SGPP2: variants seen among roughly 807,000 people sequenced by gnomAD.
SGPP2 encodes the protein sphingosine 1-phosphate phosphohydrolase 2.
Under a neutral mutation model 33.9 loss-of-function variants are expected in SGPP2, and 30 were observed. The observed-to-expected ratio is 0.89, with a 90% CI of 0.66 to 1.20. The LOEUF is 1.20. SGPP2 is among the 50% of genes most tolerant of loss of function. SGPP2 has a pLI of 0.00. For missense variants in SGPP2, 458 were observed against 532.1 expected, an observed-to-expected ratio of 0.86 and a Z score of 1.37; for synonymous variants, 233 against 225.0, an observed-to-expected ratio of 1.04 and a Z score of -0.32.
intron 4 of SGPP2, among the ~76,000 whole-genome samples, chr2:222,528,978 T>G (rs1321265245): frequency 6.6e-6 from 1 of 152,228 alleles, no homozygotes; most frequent in Admixed American, 6.5e-5. Flanking sequence ...AGGAAAGATT[T>G]CTTTGTAGAA....
Position 222,477,637 on chromosome 2 carries a change from T to G in SGPP2, c.378+2911T>G, listed in dbSNP as rs1697967336. ...CTAAATCCCAAAACTTTAATAATTG[T>G]TGAGTGGGGCAGATGATGAGAAGTA... On this transcript the variant is annotated intron_variant, in intron 2 of 4. Coordinates refer to ENST00000321276, the MANE Select transcript of SGPP2 (RefSeq NM_152386.4). The surrounding 1 kb of genome is among the most constrained non-coding windows in gnomAD (Gnocchi z 6.0). 6.6e-6 allele frequency among the ~76,000 whole-genome samples: 1 copy of G among 151,884 alleles called. No individual in the cohort carries two copies. The highest frequency in any genetic ancestry group is 2.1e-4 in the South Asian group (1 of 4,822).
intron 4 of SGPP2, among the ~76,000 whole-genome samples, chr2:222,551,191 A>G (rs1029111874): frequency 2.0e-5 from 3 of 151,978 alleles, no homozygotes; most frequent in Non-Finnish European, 4.4e-5. Context: ...CTATCCCTCA[A>G]ATCCACCCGT....
intron 2 of SGPP2, among the ~76,000 whole-genome samples, chr2:222,496,358 A>G (rs1242986399): frequency 6.6e-6 from 1 of 152,232 alleles, no homozygotes; most frequent in Non-Finnish European, 1.5e-5. Context: ...TCATTTAATA[A>G]AGACTTACCT....
At chr2:222,545,316 C>G (rs1472803284) in intron 4 of SGPP2, among the ~76,000 whole-genome samples, 1 of 145,718 alleles carries the variant, frequency 6.9e-6, no homozygotes, top group Non-Finnish European at 1.5e-5. Context: ...GGGTTTCACT[C>G]TGTTGCCCAG....
intron 4 of SGPP2, among the ~76,000 whole-genome samples, chr2:222,557,961 C>G (rs3754672): frequency 6.6e-6 from 1 of 152,006 alleles, no homozygotes; most frequent in Admixed American, 6.6e-5. Flanking sequence ...TGCAGCCCAA[C>G]CCCCAGGTGG....
At chr2:222,523,851 A>G (rs769523021) in intron 3 of SGPP2, among the ~76,000 whole-genome samples, 9 of 152,194 alleles carry the variant, frequency 5.9e-5, no homozygotes, top group Non-Finnish European at 1.2e-4. Context: ...TAACTCATTA[A>G]TTCTGAACAC....
chr2:222,551,325 A>G (rs1689290777), intron 4 of SGPP2, among the ~76,000 whole-genome samples: 2 of 152,202 alleles, frequency 1.3e-5, no homozygotes, highest in African/African-American at 4.8e-5. Context: ...GCCAAGCACT[A>G]TGCAGCTCCA....
intron 4 of SGPP2, among the ~76,000 whole-genome samples, chr2:222,552,843 A>G (rs1242134390): frequency 1.3e-5 from 2 of 152,186 alleles, no homozygotes; most frequent in Non-Finnish European, 2.9e-5. Context: ...CTGAGCAACA[A>G]GAGCGAAACT....
intron 1 of SGPP2, among the ~76,000 whole-genome samples, chr2:222,462,792 TA>T (rs1697683932): frequency 6.6e-6 from 1 of 151,992 alleles, no homozygotes; most frequent in Non-Finnish European, 1.5e-5. Context: ...TGTTCTCAAG[TA>T]AAATGTGTTA....
intron 1 of SGPP2, among the ~76,000 whole-genome samples, chr2:222,429,413 T>G (rs1697119368): frequency 6.6e-6 from 1 of 152,246 alleles, no homozygotes; most frequent in African/African-American, 2.4e-5. Flanking sequence ...TATCCTTTAT[T>G]GGATGCTTAC....
intron 2 of SGPP2, chr2:222,498,498 ATCATTCAT>A (rs113882304): frequency 6.6e-6 from 1 of 152,080 alleles, no homozygotes; most frequent in Non-Finnish European, 1.5e-5. Flanking sequence ...CTCAACAGGC[ATCATTCAT>A]TCATTCATTC....
At position 222,562,482 on chromosome 2, in the gene SGPP2, C is replaced by A. The variant is rs1689565648; in HGVS notation, c.*3584C>A. The stretch of plus-strand genomic sequence containing the variant: ...TCATGCTTCCTGAGTGTAATCAAAG[C>A]ATGTGGTGTTTTGGGGCCATATGCA... On this transcript the variant is annotated 3_prime_UTR_variant, in exon 5 of 5. Transcript: ENST00000321276. Among the ~76,000 whole-genome samples the A allele has an allele frequency of 6.6e-6, 1 of 152,222 alleles. No individual in the cohort carries two copies. Among genetic ancestry groups the A allele is most frequent in the Admixed American group, 6.5e-5 (1 of 15,276 alleles).
chr2:222,461,075 C>G (rs571563920), intron 1 of SGPP2, among the ~76,000 whole-genome samples: 5 of 152,060 alleles, frequency 3.3e-5, no homozygotes, highest in Admixed American at 3.3e-4. Context: ...ATCTTTTTAC[C>G]GTCTTTCTCT....
At chr2:222,499,021 T>C (rs1698326501) in intron 2 of SGPP2, among the ~76,000 whole-genome samples, 1 of 152,216 alleles carries the variant, frequency 6.6e-6, no homozygotes, top group Admixed American at 6.5e-5. Flanking sequence ...TTTTAAAAAG[T>C]ACAAAGCCAT....
chr2:222,551,462 CAT>C (rs983295238), intron 4 of SGPP2, among the ~76,000 whole-genome samples: 155 of 152,142 alleles, frequency 1.0e-3, no homozygotes, highest in African/African-American at 3.7e-3. Context: ...AAAAAACTAA[CAT>C]AAAAAGTTGT....
intron 2 of SGPP2, among the ~76,000 whole-genome samples, chr2:222,489,410 T>G (rs1403166552): frequency 6.7e-6 from 1 of 150,286 alleles, no homozygotes; most frequent in East Asian, 1.9e-4. Context: ...TTAGAATGTA[T>G]TAAGAAAAAA....
At chr2:222,557,269 C>A (rs1048426955) in intron 4 of SGPP2, among the ~76,000 whole-genome samples, 1 of 152,176 alleles carries the variant, frequency 6.6e-6, no homozygotes, top group East Asian at 1.9e-4. Context: ...GTTTGGTTCA[C>A]GTGGATCCTC....
At chr2:222,440,632 C>A (rs540744033) in intron 1 of SGPP2, among the ~76,000 whole-genome samples, 3 of 152,074 alleles carry the variant, frequency 2.0e-5, no homozygotes, top group African/African-American at 7.2e-5. Context: ...TGAGCCACCA[C>A]GCCTGGCTGT....
chr2:222,480,246 A>C (rs767003387), intron 2 of SGPP2, among the ~76,000 whole-genome samples: 1 of 152,176 alleles, frequency 6.6e-6, no homozygotes, highest in Non-Finnish European at 1.5e-5. Context: ...GCAAAATCTC[A>C]CTCACTTTTT....
Sources: gnomAD v4.1 joint callset for allele counts (sites outside exome capture counted in the v4.1 genomes callset) on GRCh38, gnomAD v4.1.1 for gene constraint, Gnocchi (gnomAD v3.1) non-coding constraint, MANE v1.5 for transcripts, NCBI Gene and HGNC (gene_info 2026-07-23, HGNC 2026-07-21) for gene names.